MAN1C1: variants seen among roughly 807,000 people sequenced by gnomAD.
MAN1C1 encodes the protein mannosidase alpha class 1C member 1, also known as mannosyl-oligosaccharide 1,2-alpha-mannosidase IC.
Under a neutral mutation model 71.5 loss-of-function variants are expected in MAN1C1, and 49 were observed. That is an observed-to-expected ratio of 0.69 (90% confidence interval 0.54 to 0.87). MAN1C1 has a LOEUF of 0.87. Among genes scored for constraint, MAN1C1 ranks in the 40% least tolerant of loss-of-function variants. The probability of loss-of-function intolerance (pLI) is 0.00; values close to 1 mark genes in which losing one functional copy is unlikely to be tolerated. For synonymous variants in MAN1C1, 352 were observed against 343.7 expected (o/e 1.02, Z -0.27); for missense variants, 743 against 835.0 (o/e 0.89, Z 1.36).
At chr1:25,669,957 G>A (rs185388465) in intron 1 of MAN1C1, among the ~76,000 whole-genome samples, 4 of 152,166 alleles carry the variant, frequency 2.6e-5, no homozygotes, top group Non-Finnish European at 4.4e-5. Context: ...ATCCTCTTTC[G>A]GTTCCAAGAA....
At position 25,701,582 on chromosome 1, in the gene MAN1C1, A is replaced by G. The variant is rs561049700; in HGVS notation, c.637+15046A>G. On this transcript the variant is annotated intron_variant, in intron 2 of 11. Coordinates refer to ENST00000374332, the MANE Select transcript of MAN1C1 (RefSeq NM_020379.4). ...AACTGCCCAACAGGCAGGACCTCCTATTCAACTTACCTTGTGCAGCAACAC... is the reference window on the plus strand; with the variant it reads ...AACTGCCCAACAGGCAGGACCTCCTGTTCAACTTACCTTGTGCAGCAACAC... Among the ~76,000 whole-genome samples the G allele has an allele frequency of 2.8e-4, 43 of 152,312 alleles. 1 individual carries two copies. In the South Asian group the frequency reaches 8.7e-3, roughly 31 times the overall value.
chr1:25,743,756 G>A (rs572858488), intron 2 of MAN1C1, among the ~76,000 whole-genome samples: 48 of 152,332 alleles, frequency 3.2e-4, no homozygotes, highest in African/African-American at 1.1e-3. Flanking sequence ...GAAGAAGGGC[G>A]CATGGGGTGA....
At chr1:25,733,286 CTCA>C (rs1311777049) in intron 2 of MAN1C1, among the ~76,000 whole-genome samples, 4 of 152,186 alleles carry the variant, frequency 2.6e-5, no homozygotes, top group African/African-American at 9.7e-5. Flanking sequence ...GGCCCAGCCA[CTCA>C]TCATACAGCA....
chr1:25,647,341 C>T (rs1422441590), intron 1 of MAN1C1, among the ~76,000 whole-genome samples: 1 of 152,038 alleles, frequency 6.6e-6, no homozygotes, highest in Admixed American at 6.6e-5. Flanking sequence ...CCAGGTGGTG[C>T]CTGTGGTGCA....
intron 1 of MAN1C1, among the ~76,000 whole-genome samples, chr1:25,665,712 G>T (rs780692434): frequency 9.2e-5 from 14 of 152,142 alleles, no homozygotes; most frequent in Non-Finnish European, 1.5e-5. Context: ...CCTCTGTGAA[G>T]TCAGGTTATT....
intron 1 of MAN1C1, among the ~76,000 whole-genome samples, chr1:25,627,867 T>TAAAA (rs762132988): frequency 5.7e-5 from 7 of 122,014 alleles, no homozygotes; most frequent in African/African-American, 2.0e-4. Flanking sequence ...ACCCAATCTC[T>TAAAA]AAAAAAAAAA....
At chr1:25,781,363 G>T in intron 10 of MAN1C1, 1 of 432,508 alleles carries the variant, frequency 2.3e-6, no homozygotes, top group Non-Finnish European at 4.2e-6. Flanking sequence ...TTGGGGCCTG[G>T]GACCAGGCCT....
intron 1 of MAN1C1, among the ~76,000 whole-genome samples, chr1:25,642,283 C>G (rs902868785): frequency 4.6e-5 from 7 of 152,148 alleles, no homozygotes; most frequent in Non-Finnish European, 1.0e-4. Context: ...CGGTGGTCAT[C>G]TGTAAAATCC....
rs927456444 is a variant in MAN1C1 at position 25,779,528 on chromosome 1, A to C, written c.1477+1204A>C. On this transcript the variant is annotated intron_variant, in intron 9 of 11. Transcript: ENST00000374332. The surrounding 1 kb of genome is among the most constrained non-coding windows in gnomAD (Gnocchi z 4.6). ...CTTGCTCTGCCAGGGCCATAAACAAATAAGAAATCTCAGGACTAATAAAAG... is the reference window on the plus strand; with the variant it reads ...CTTGCTCTGCCAGGGCCATAAACAACTAAGAAATCTCAGGACTAATAAAAG... 2.0e-5 allele frequency among the ~76,000 whole-genome samples: 3 copies of C among 152,218 alleles called. No homozygotes were observed. Among genetic ancestry groups the C allele is most frequent in the Non-Finnish European group, 4.4e-5 (3 of 68,034 alleles).
chr1:25,731,265 GT>G, intron 2 of MAN1C1, among the ~76,000 whole-genome samples: 1 of 152,312 alleles, frequency 6.6e-6, no homozygotes, highest in East Asian at 1.9e-4. Flanking sequence ...AGCTGTGATC[GT>G]GCCACTGCAC....
At position 25,719,051 on chromosome 1, in the gene MAN1C1, C is replaced by CTTATTA. The variant is rs34993782; in HGVS notation, c.638-27584_638-27579dup. Among the ~76,000 whole-genome samples the CTTATTA allele has an allele frequency of 8.6e-3, 1,235 of 143,872 alleles. 11 individuals are homozygous for CTTATTA. Among genetic ancestry groups the CTTATTA allele is most frequent in the Middle Eastern group, 0.014 (4 of 278 alleles). The allele number at this position is 143,872 out of a possible 152,430, so 94.4% of individuals were successfully genotyped here. On this transcript the variant is annotated intron_variant, in intron 2 of 11. Coordinates refer to ENST00000374332, the MANE Select transcript of MAN1C1 (RefSeq NM_020379.4). ...CCATTTTCTCTATATCTTTCCAATG[C>CTTATTA]TTATTATTATTATTATTATTATTAT...
intron 1 of MAN1C1, among the ~76,000 whole-genome samples, chr1:25,682,205 C>T (rs542690330): frequency 1.5e-4 from 23 of 152,168 alleles, no homozygotes; most frequent in Non-Finnish European, 2.6e-4. Flanking sequence ...TTTATGTTTC[C>T]GTTCAAAACC....
intron 3 of MAN1C1, among the ~76,000 whole-genome samples, chr1:25,748,485 CT>C (rs1482397280): frequency 6.6e-6 from 1 of 152,196 alleles, no homozygotes; most frequent in Non-Finnish European, 1.5e-5. Context: ...TGCAGCTCCC[CT>C]GTGTCCTGTG....
At position 25,724,558 on chromosome 1, in the gene MAN1C1, T is replaced by C. The variant is rs540283733; in HGVS notation, c.638-22110T>C. Among the ~76,000 whole-genome samples the C allele has an allele frequency of 2.0e-5, 3 of 152,272 alleles. No homozygotes were observed. In the South Asian group the frequency reaches 6.2e-4, roughly 32 times the overall value. On this transcript the variant is annotated intron_variant, in intron 2 of 11. Coordinates refer to ENST00000374332, the MANE Select transcript of MAN1C1 (RefSeq NM_020379.4). ...TCTGCGTGTGTCACATTTGCTCTCA[T>C]TGGCTGAAGTTAGCCACACGTGTCT...
chr1:25,686,365 G>A (rs1572149393), intron 1 of MAN1C1, 75 bp from the exon 2 acceptor site: 1 of 1,274,430 alleles, frequency 7.8e-7, no homozygotes. Context: ...GTTGCAAGGG[G>A]CAAAGCCAGG....
chr1:25,686,313 A>C, intron 1 of MAN1C1, 127 bp from the exon 2 acceptor site: 1 of 766,888 alleles, frequency 1.3e-6, no homozygotes. Flanking sequence ...CACTTTCTCC[A>C]ATTTGGAAAA....
At chr1:25,622,654 GA>G (rs1462087934) in intron 1 of MAN1C1, among the ~76,000 whole-genome samples, 1 of 152,178 alleles carries the variant, frequency 6.6e-6, no homozygotes, top group Non-Finnish European at 1.5e-5. Flanking sequence ...TGACACTCGT[GA>G]GTAAAATCTC....
chr1:25,701,228 G>A (rs544292839), intron 2 of MAN1C1, among the ~76,000 whole-genome samples: 1 of 152,328 alleles, frequency 6.6e-6, no homozygotes, highest in East Asian at 1.9e-4. Flanking sequence ...CTGAAAGCCT[G>A]CACCTGCTCA....
chr1:25,739,837 C>A (rs1276000802), intron 2 of MAN1C1, among the ~76,000 whole-genome samples: 1 of 152,178 alleles, frequency 6.6e-6, no homozygotes, highest in Non-Finnish European at 1.5e-5. Flanking sequence ...TCACCACAGA[C>A]GCCCATGCTG....
Sources: allele counts gnomAD v4.1 joint callset (sites outside exome capture counted in the v4.1 genomes callset), GRCh38; gene constraint gnomAD v4.1.1; non-coding constraint Gnocchi (gnomAD v3.1); transcripts MANE v1.5; gene names NCBI Gene and HGNC (gene_info 2026-07-23, HGNC 2026-07-21).